BIRC6: variants seen among roughly 807,000 people sequenced by gnomAD.
BIRC6 encodes baculoviral IAP repeat containing 6.
BIRC6 carries 98 observed loss-of-function variants against 503.3 expected under a neutral mutation model. The ratio of observed to expected loss-of-function variants is 0.19; its 90% CI spans 0.17 to 0.23. BIRC6 has a LOEUF of 0.23. Ranked by LOEUF, BIRC6 falls within the 10% of genes least tolerant of loss-of-function variation. The probability of loss-of-function intolerance (pLI) is 1.00; values close to 1 mark genes in which losing one functional copy is unlikely to be tolerated. For missense variants in BIRC6, 5,360 were observed against 5,806.0 expected, an observed-to-expected ratio of 0.92 and a Z score of 2.50; for synonymous variants, 2,240 against 2,078.7, an observed-to-expected ratio of 1.08 and a Z score of -2.11.
At chr2:32,408,778 T>G (rs1038303644) in intron 9 of BIRC6, among the ~76,000 whole-genome samples, 1 of 152,218 alleles carries the variant, frequency 6.6e-6, no homozygotes, top group Non-Finnish European at 1.5e-5. Flanking sequence ...CATTTAGGGG[T>G]GTAAAAATTG....
At position 32,400,145 on chromosome 2, in the gene BIRC6, C is replaced by T. The variant is rs182501918; in HGVS notation, c.1035-1018C>T. 1.5e-4 allele frequency among the ~76,000 whole-genome samples: 23 copies of T among 152,040 alleles called. 1 individual carries two copies. Among genetic ancestry groups the T allele is most frequent in the Admixed American group, 8.5e-4 (13 of 15,266 alleles). ...ATGTTTTTAATTTAACATTTCTTCT[C>T]GCTCAGTAAGCATTTATTTGAAAGA... On this transcript the variant is annotated intron_variant, in intron 6 of 73. Transcript: ENST00000421745.
In BIRC6 at chr2:32,485,716, G is replaced by A. The variant is rs1463864678; in HGVS notation, c.7770G>A (p.Glu2590=). Residue 2590 remains glutamate (E), a synonymous_variant, in exon 40 of 74, where the codon GAG becomes GAA. Coordinates refer to ENST00000421745, the MANE Select transcript of BIRC6 (RefSeq NM_016252.4). ...ELMLKMMSTL[E]ADSILQALTN... ...TGTTGAAAATGATGTCTACTCTGGAGGCAGATTCCATTTTACAGGCATTAA... is the reference window on the plus strand; with the variant it reads ...TGTTGAAAATGATGTCTACTCTGGAAGCAGATTCCATTTTACAGGCATTAA... 6.2e-7 allele frequency: 1 copy of A among 1,613,484 alleles called. No individual in the cohort carries two copies. Among genetic ancestry groups the A allele is most frequent in the East Asian group, 2.2e-5 (1 of 44,854 alleles).
At chr2:32,562,716 C>T (rs370643078) in intron 65 of BIRC6, among the ~76,000 whole-genome samples, 1 of 152,176 alleles carries the variant, frequency 6.6e-6, no homozygotes, top group East Asian at 1.9e-4. Flanking sequence ...AGATTGGCTT[C>T]TTTCATTTAA....
At chr2:32,598,059 A>C in intron 69 of BIRC6, 91 bp downstream of exon 69, 1 of 1,197,196 alleles carries the variant, frequency 8.4e-7, no homozygotes, top group Non-Finnish European at 1.1e-6. Flanking sequence ...ATACTATACA[A>C]ATAAATTATA....
intron 19 of BIRC6, 68 bp from the exon 20 acceptor site, chr2:32,443,423 C>T (rs1444637706): frequency 1.9e-6 from 2 of 1,072,990 alleles, no homozygotes; most frequent in Non-Finnish European, 2.7e-6. Flanking sequence ...AGGTACCACA[C>T]CAGGTTTAGG....
rs566938979 is a variant in BIRC6, at chr2:32,426,434, C to G, written c.2873-2712C>G. On this transcript the variant is annotated intron_variant, in intron 10 of 73. Coordinates refer to ENST00000421745, the MANE Select transcript of BIRC6 (RefSeq NM_016252.4). ...CCTGGCCAACATGGCAAAACCCTGT[C>G]TCTACTAAAAATACAAAAATTAGCC... 2.1e-3 allele frequency among the ~76,000 whole-genome samples: 327 copies of G among 152,222 alleles called. 3 individuals carry two copies. Among genetic ancestry groups the G allele is most frequent in the Non-Finnish European group, 2.7e-3 (186 of 68,018 alleles).
At chr2:32,445,490 G>T in intron 20 of BIRC6, 31 bp from the exon 21 acceptor site, 1 of 1,497,852 alleles carries the variant, frequency 6.7e-7, no homozygotes, top group Non-Finnish European at 9.0e-7. Context: ...GGAGGAAAAA[G>T]AAACATTTAT....
chr2:32,533,660 T>C (rs893279747), intron 61 of BIRC6, among the ~76,000 whole-genome samples: 1 of 152,148 alleles, frequency 6.6e-6, no homozygotes, highest in Non-Finnish European at 1.5e-5. Context: ...ATGTAACTCA[T>C]GGATCTCCTC....
chr2:32,545,995 C>G, intron 63 of BIRC6, 135 bp downstream of exon 63: 2 of 822,830 alleles, frequency 2.4e-6, no homozygotes, highest in South Asian at 1.9e-5. Flanking sequence ...ATATTTAAAA[C>G]AGAAATTGTA....
At chr2:32,421,395 G>A (rs548525094) in intron 10 of BIRC6, among the ~76,000 whole-genome samples, 2 of 152,128 alleles carry the variant, frequency 1.3e-5, no homozygotes, top group African/African-American at 4.8e-5. Context: ...ATGAGCCACC[G>A]CGCTGGCCTT....
At position 32,518,699 on chromosome 2, in the gene BIRC6, T is replaced by G. The variant is rs534992673; in HGVS notation, c.11494-118T>G. On this transcript the variant is annotated intron_variant, in intron 56 of 73. Coordinates refer to ENST00000421745, the MANE Select transcript of BIRC6 (RefSeq NM_016252.4). ...CATGGCAACTATGCCATATCTAAAT[T>G]AATTATATCTTGTAGGATTTATTGA... 10 of 1,224,944 alleles carry G rather than the reference T, an allele frequency of 8.2e-6. No homozygotes were observed. In the Admixed American group the frequency reaches 1.9e-4, roughly 23 times the overall value. The allele number at this position is 1,224,944 out of a possible 1,614,324, so 75.9% of individuals were successfully genotyped here.
chr2:32,426,354 G>T (rs1414248770), intron 10 of BIRC6, among the ~76,000 whole-genome samples: 1 of 152,098 alleles, frequency 6.6e-6, no homozygotes, highest in African/African-American at 2.4e-5. Flanking sequence ...TGTAATCCCA[G>T]CACTTTGGGA....
intron 3 of BIRC6, among the ~76,000 whole-genome samples, chr2:32,381,255 T>C (rs2149413555): frequency 6.6e-6 from 1 of 152,314 alleles, no homozygotes; most frequent in South Asian, 2.1e-4. Context: ...ATTTTTTCTT[T>C]TGAGACAGAG....
In BIRC6 at chr2:32,443,481, A is replaced by C; in HGVS notation, c.4239-10A>C. On this transcript the variant is annotated splice_polypyrimidine_tract_variant and intron_variant, in intron 19 of 73. Coordinates refer to ENST00000421745, the MANE Select transcript of BIRC6 (RefSeq NM_016252.4). ...TGTCTTTACAATTTTTCTTTTTAAAAATTTTTCAGTAATGGCAAATGTGAC... is the reference window on the plus strand; with the variant it reads ...TGTCTTTACAATTTTTCTTTTTAAACATTTTTCAGTAATGGCAAATGTGAC... The C allele has an allele frequency of 6.3e-7, 1 of 1,581,284 alleles. No individual in the cohort carries two copies. Among genetic ancestry groups the C allele is most frequent in the Non-Finnish European group, 8.6e-7 (1 of 1,164,842 alleles).
At chr2:32,444,260 A>T (rs1429944091) in intron 20 of BIRC6, among the ~76,000 whole-genome samples, 1 of 152,204 alleles carries the variant, frequency 6.6e-6, no homozygotes, top group Non-Finnish European at 1.5e-5. Context: ...CAGAATAGTT[A>T]AAAGATTTAA....
At chr2:32,472,217 C>A (rs540214840) in intron 32 of BIRC6, among the ~76,000 whole-genome samples, 66 of 152,178 alleles carry the variant, frequency 4.3e-4, no homozygotes, top group Middle Eastern at 3.4e-3. Context: ...TAGGCGTGTA[C>A]CACCACGCCC....
At position 32,453,916 on chromosome 2, in the gene BIRC6, G is replaced by A; in HGVS notation, c.4727G>A (p.Gly1576Glu). The A allele has an allele frequency of 6.2e-7, 1 of 1,613,312 alleles. No homozygotes were observed. The highest frequency in any genetic ancestry group is 8.5e-7 in the Non-Finnish European group (1 of 1,179,368). The change falls in exon 23 of 74, where the codon GGA becomes GAA. Residue 1576 changes from glycine to glutamate, a missense_variant. Physicochemically the swap from Gly to Glu is moderately conservative, Grantham distance 98. Around this residue, in one of 16 missense-constraint regions of BIRC6, gnomAD observed 2,299 missense variants for 2,267.2 expected, o/e 1.01. Coordinates refer to ENST00000421745, the MANE Select transcript of BIRC6 (RefSeq NM_016252.4). ...LHFTCVSTSD[G>E]TRIERDDAMS... ...TTTACTTGTGTGTCAACTAGTGATG[G>A]AACCAGAATAGAAAGGGATGATGCA...
chr2:32,535,356 G>A lies in BIRC6; in HGVS notation c.12291+3805G>A, dbSNP rs1363537568. Among the ~76,000 whole-genome samples, 7 of 152,026 alleles carry A rather than the reference G, an allele frequency of 4.6e-5. No homozygotes were observed. The East Asian group carries it at 1.3e-3, about 29-fold the overall frequency. On this transcript the variant is annotated intron_variant, in intron 61 of 73. Transcript: ENST00000421745. ...TTAGGGTACATGTGCACAACGTGCA[G>A]GTTTGTTACACATGTATACATGTGC...
At chr2:32,535,634 C>T (rs576470408) in intron 61 of BIRC6, among the ~76,000 whole-genome samples, 166 of 152,302 alleles carry the variant, frequency 1.1e-3, no homozygotes, top group African/African-American at 3.9e-3. Context: ...AGGACATGAA[C>T]TCATCATTTT....
Sources: allele counts gnomAD v4.1 joint callset (sites outside exome capture counted in the v4.1 genomes callset), GRCh38; gene constraint gnomAD v4.1.1; regional missense constraint gnomAD v4.1.1; transcripts MANE v1.5; gene names NCBI Gene and HGNC (gene_info 2026-07-23, HGNC 2026-07-21).